Variants in CREM observed in about 807,000 individuals in gnomAD.
CREM encodes cAMP responsive element modulator, also known as cAMP-responsive element modulator.
CREM carries 13 observed loss-of-function variants against 37.3 expected under a neutral mutation model. The ratio of observed to expected loss-of-function variants is 0.35; its 90% confidence interval spans 0.23 to 0.55. The LOEUF (loss-of-function observed/expected upper bound fraction) is 0.55. Among genes scored for constraint, CREM ranks in the 20% least tolerant of loss-of-function variants. The pLI is 0.88. For synonymous variants in CREM, 124 were observed against 120.2 expected (o/e 1.03, Z -0.21); for missense variants, 296 against 362.3 (o/e 0.82, Z 1.49).
intron 3 of CREM, chr10:35,158,787 G>A (rs2093074658): frequency 7.0e-6 from 1 of 143,316 alleles, no homozygotes; most frequent in Admixed American, 7.1e-5. Context: ...TTGGAGAGTA[G>A]CAAATATAGT....
chr10:35,200,763 G>A (rs558334699), intron 6 of CREM, among the ~76,000 whole-genome samples: 1 of 152,296 alleles, frequency 6.6e-6, no homozygotes, highest in Admixed American at 6.5e-5. Context: ...TTACTTAAAG[G>A]TGTATTTAGG....
chr10:35,147,041 G>GTTTTTTTT (rs755346866), intron 2 of CREM, among the ~76,000 whole-genome samples: 1 of 121,008 alleles, frequency 8.3e-6, no homozygotes, highest in East Asian at 2.7e-4. Flanking sequence ...AGTTTTTTGG[G>GTTTTTTTT]TTTTTTTTTT....
intron 2 of CREM, among the ~76,000 whole-genome samples, chr10:35,141,700 A>G (rs921293026): frequency 5.3e-5 from 8 of 152,214 alleles, no homozygotes; most frequent in African/African-American, 1.7e-4. Context: ...TCTGGCCTAG[A>G]GTCATGGGTT....
In CREM at chr10:35,148,476, C is replaced by T. The variant is rs963758729; in HGVS notation, c.153C>T (p.Ile51=). 6.2e-7 allele frequency: 1 copy of T among 1,612,002 alleles called. No homozygotes were observed. Among genetic ancestry groups the T allele is most frequent in the Middle Eastern group, 1.7e-4 (1 of 6,056 alleles). ...HVQTQTGQNS[I]PALAQVAAIA... ...AGACTCAGACTGGCCAAAATTCAAT[C>T]CCTGCTTTAGCTCAGGTAGGCAATA... is the stretch of plus-strand genomic sequence containing the variant. The change falls in exon 3 of 8, where the codon ATC becomes ATT. Residue 51 remains isoleucine (I), a synonymous_variant. Transcript: ENST00000685392.
chr10:35,207,866 A>G lies in CREM; in HGVS notation c.755+815A>G, dbSNP rs2095572169. On this transcript the variant is annotated intron_variant, in intron 7 of 7. Transcript: ENST00000685392. ...GTTTGTGCTCTGTGTGTGTTATTAGATTGTCTTCCAGTCAGAATTCCTGGC... is the reference window on the plus strand; with the variant it reads ...GTTTGTGCTCTGTGTGTGTTATTAGGTTGTCTTCCAGTCAGAATTCCTGGC... Among the ~76,000 whole-genome samples the G allele has an allele frequency of 2.6e-5, 4 of 152,156 alleles. 1 individual carries two copies. In the South Asian group the frequency reaches 8.3e-4, roughly 32 times the overall value.
At chr10:35,209,235 TTTGA>T (rs1193875166) in intron 7 of CREM, 21 of 847,758 alleles carry the variant, frequency 2.5e-5, no homozygotes, top group Non-Finnish European at 2.4e-5. Context: ...CTTTTTATTC[TTTGA>T]TTGGCATCTA....
At chr10:35,184,627 GTGTT>G (rs1166292371) in intron 5 of CREM, among the ~76,000 whole-genome samples, 6 of 152,256 alleles carry the variant, frequency 3.9e-5, no homozygotes, top group African/African-American at 1.4e-4. Context: ...GTGTGTGTGT[GTGTT>G]TGTTTAGCTT....
chr10:35,180,400 A>G (rs2094304387), intron 5 of CREM, among the ~76,000 whole-genome samples: 1 of 152,254 alleles, frequency 6.6e-6, no homozygotes, highest in Non-Finnish European at 1.5e-5. Context: ...TCTTTAATGT[A>G]TGAGAAGACT....
intron 2 of CREM, among the ~76,000 whole-genome samples, chr10:35,143,248 C>T (rs962178295): frequency 2.0e-5 from 3 of 152,132 alleles, no homozygotes; most frequent in Non-Finnish European, 4.4e-5. Flanking sequence ...GGATTACAGA[C>T]GTGAGCCACC....
intron 3 of CREM, among the ~76,000 whole-genome samples, chr10:35,160,116 A>G (rs1236722998): frequency 6.6e-6 from 1 of 152,204 alleles, no homozygotes; most frequent in African/African-American, 2.4e-5. Flanking sequence ...GGTATAGCCC[A>G]CTACATACCT....
At chr10:35,181,138 T>G (rs1320274223) in intron 5 of CREM, among the ~76,000 whole-genome samples, 1 of 152,136 alleles carries the variant, frequency 6.6e-6, no homozygotes, top group Non-Finnish European at 1.5e-5. Context: ...TAGCTGAAAA[T>G]TTGAAATTGT....
rs189681744 is a variant in CREM at position 35,189,004 on chromosome 10, T to C, written c.598+616T>C. Among the ~76,000 whole-genome samples the C allele has an allele frequency of 3.2e-3, 483 of 152,284 alleles. 2 individuals carry two copies. Among genetic ancestry groups the C allele is most frequent in the Non-Finnish European group, 5.4e-3 (368 of 68,010 alleles). On this transcript the variant is annotated intron_variant, in intron 6 of 7. Coordinates refer to ENST00000685392, the MANE Select transcript of CREM (RefSeq NM_183011.2). ...AATGAATTTTTAAATTAATTAGATA[T>C]CCTTCATTTGGGGGTTGCAAATGTT...
intron 7 of CREM, chr10:35,209,448 T>C: frequency 1.3e-6 from 1 of 788,238 alleles, no homozygotes; most frequent in African/African-American, 1.9e-5. Flanking sequence ...TGCTTAGGAA[T>C]GTACCATCTA....
chr10:35,133,823 G>A (rs1005744395), intron 1 of CREM, among the ~76,000 whole-genome samples: 2 of 152,212 alleles, frequency 1.3e-5, no homozygotes, highest in African/African-American at 2.4e-5. Context: ...ACCCCTCCCT[G>A]TTGGAGTGAA....
chr10:35,207,500 G>A (rs991047130), intron 7 of CREM, among the ~76,000 whole-genome samples: 1 of 151,722 alleles, frequency 6.6e-6, no homozygotes, highest in African/African-American at 2.4e-5. Flanking sequence ...TTTCAGCTGG[G>A]CGCAGTGGCT....
At chr10:35,208,653 C>T (rs1046784931) in intron 7 of CREM, among the ~76,000 whole-genome samples, 5 of 152,124 alleles carry the variant, frequency 3.3e-5, no homozygotes, top group East Asian at 1.9e-4. Flanking sequence ...GATCACAGCG[C>T]GGCTACTGAA....
chr10:35,132,155 C>T (rs1033755617), intron 1 of CREM, among the ~76,000 whole-genome samples: 3 of 143,916 alleles, frequency 2.1e-5, no homozygotes, highest in East Asian at 2.1e-4. Flanking sequence ...GAGCCGAGAT[C>T]GTGCTACTGC....
At chr10:35,171,757 C>G (rs1375678362) in intron 3 of CREM, among the ~76,000 whole-genome samples, 3 of 152,190 alleles carry the variant, frequency 2.0e-5, no homozygotes, top group Non-Finnish European at 1.5e-5. Flanking sequence ...ATACCTTATT[C>G]TATGTACTTG....
At chr10:35,160,511 G>C (rs541280486) in intron 3 of CREM, among the ~76,000 whole-genome samples, 149 of 152,268 alleles carry the variant, frequency 9.8e-4, no homozygotes, top group African/African-American at 3.4e-3. Context: ...TGATCCTCCT[G>C]TCTCAGCCTC....
Sources: gnomAD v4.1 joint callset for allele counts (sites outside exome capture counted in the v4.1 genomes callset) on GRCh38, gnomAD v4.1.1 for gene constraint, MANE v1.5 for transcripts, NCBI Gene and HGNC (gene_info 2026-07-23, HGNC 2026-07-21) for gene names.